SKAP1: variants seen among roughly 807,000 people sequenced by gnomAD.
The protein encoded by SKAP1 is src kinase associated phosphoprotein 1.
Under a neutral mutation model 58.5 loss-of-function variants are expected in SKAP1, and 44 were observed. The ratio of observed to expected loss-of-function variants is 0.75; its 90% CI spans 0.59 to 0.97. SKAP1 has a LOEUF of 0.97. Ranked by LOEUF, SKAP1 falls within the 50% of genes least tolerant of loss-of-function variation. The pLI, the probability that SKAP1 is intolerant of heterozygous loss-of-function variation, is 0.00. For synonymous variants in SKAP1, 127 were observed against 149.7 expected (o/e 0.85, Z 1.11); for missense variants, 390 against 435.2 (o/e 0.90, Z 0.92).
At chr17:48,363,700 G>T in intron 3 of SKAP1, 89 bp downstream of exon 3, 1 of 1,166,762 alleles carries the variant, frequency 8.6e-7, no homozygotes, top group Non-Finnish European at 1.2e-6. Flanking sequence ...ATGCCACTCT[G>T]TGGAGAAGCT....
chr17:48,228,199 G>GAGA (rs2065089942), intron 4 of SKAP1, among the ~76,000 whole-genome samples: 1 of 152,060 alleles, frequency 6.6e-6, no homozygotes, highest in African/African-American at 2.4e-5. Context: ...AAGACAAAGA[G>GAGA]AGATAGAGAG....
the SKAP1 span, among the ~76,000 whole-genome samples, chr17:48,440,480 C>T: frequency 6.6e-6 from 1 of 152,200 alleles, no homozygotes; most frequent in Non-Finnish European, 1.5e-5. Flanking sequence ...CAAAGAGCAG[C>T]TGTGGCGTAA....
At chr17:48,137,453 T>G in intron 11 of SKAP1, 116 bp from the exon 12 acceptor site, 1 of 681,152 alleles carries the variant, frequency 1.5e-6, no homozygotes, top group Non-Finnish European at 2.6e-6. Flanking sequence ...ATTATCACTG[T>G]GAACTGTTAA....
chr17:48,265,136 C>A (rs1246662275), intron 4 of SKAP1, among the ~76,000 whole-genome samples: 1 of 152,088 alleles, frequency 6.6e-6, no homozygotes, highest in Non-Finnish European at 1.5e-5. Context: ...ACAGACGTAC[C>A]TGAATCCAGT....
intron 4 of SKAP1, among the ~76,000 whole-genome samples, chr17:48,333,763 C>T (rs1031946448): frequency 2.0e-5 from 3 of 152,004 alleles, no homozygotes; most frequent in African/African-American, 7.2e-5. Flanking sequence ...TCTAATGTAT[C>T]TCATCCCAAA....
At chr17:48,362,173 C>G (rs1051191577) in intron 3 of SKAP1, among the ~76,000 whole-genome samples, 4 of 152,216 alleles carry the variant, frequency 2.6e-5, no homozygotes, top group Non-Finnish European at 5.9e-5. Context: ...CTACCTCTGT[C>G]CTCTCTCCAA....
intron 4 of SKAP1, among the ~76,000 whole-genome samples, chr17:48,326,138 G>A (rs959139843): frequency 2.6e-5 from 4 of 152,180 alleles, no homozygotes; most frequent in Non-Finnish European, 4.4e-5. Flanking sequence ...AATCCTTCCA[G>A]GGGTGTAAAG....
chr17:48,356,274 A>G (rs754880016), intron 3 of SKAP1, among the ~76,000 whole-genome samples: 1 of 152,116 alleles, frequency 6.6e-6, no homozygotes, highest in Non-Finnish European at 1.5e-5. Flanking sequence ...TAAAATAAAT[A>G]AATAAATAAA....
Position 48,352,425 on chromosome 17 carries a change from G to A in SKAP1, c.179-6419C>T, listed in dbSNP as rs192178310. On this transcript the variant is annotated intron_variant, in intron 3 of 12. Coordinates refer to ENST00000336915, the MANE Select transcript of SKAP1 (RefSeq NM_003726.4). ...TCAAAATATATAAACCTAGGTATTT[G>A]GTAGTATGTGGATAAATATATTGTA... Among the ~76,000 whole-genome samples, 8 of 152,160 alleles carry A rather than the reference G, an allele frequency of 5.3e-5. No homozygotes were observed. The East Asian group carries it at 1.5e-3, about 29-fold the overall frequency.
chr17:48,206,447 C>T (rs887402571), intron 4 of SKAP1, among the ~76,000 whole-genome samples: 2 of 150,718 alleles, frequency 1.3e-5, no homozygotes, highest in Admixed American at 1.3e-4. Flanking sequence ...TTTTTTATAC[C>T]CCTTGGTATA....
chr17:48,440,005 C>T, the SKAP1 span, among the ~76,000 whole-genome samples: 3,786 of 152,248 alleles, frequency 0.025, 173 homozygotes, highest in African/African-American at 0.087. Flanking sequence ...TCCCCTTCCT[C>T]TTATCTCTGG....
At chr17:48,153,333 AC>A (rs1330373431) in intron 11 of SKAP1, among the ~76,000 whole-genome samples, 4 of 152,094 alleles carry the variant, frequency 2.6e-5, no homozygotes, top group Admixed American at 2.6e-4. Context: ...TATAAAAATT[AC>A]CTGGAAGGAA....
At chr17:48,232,922 T>C (rs972721588) in intron 4 of SKAP1, among the ~76,000 whole-genome samples, 2 of 152,240 alleles carry the variant, frequency 1.3e-5, no homozygotes, top group African/African-American at 4.8e-5. Context: ...AGTTCTATTA[T>C]TTCCAAATAA....
intron 4 of SKAP1, among the ~76,000 whole-genome samples, chr17:48,312,265 G>T (rs943783217): frequency 2.0e-5 from 3 of 152,132 alleles, no homozygotes; most frequent in Non-Finnish European, 4.4e-5. Context: ...GAAGTGCAAA[G>T]GTAAAATCTG....
chr17:48,352,759 A>T (rs1446255885), intron 3 of SKAP1, among the ~76,000 whole-genome samples: 2 of 152,202 alleles, frequency 1.3e-5, no homozygotes, highest in Non-Finnish European at 2.9e-5. Flanking sequence ...AGAAATTGAG[A>T]CACAAAGATG....
intron 3 of SKAP1, among the ~76,000 whole-genome samples, chr17:48,356,927 GT>G (rs1224086857): frequency 1.5e-4 from 23 of 152,212 alleles, no homozygotes; most frequent in Admixed American, 3.9e-4. Flanking sequence ...ATACACACTA[GT>G]TTGCTCAAAT....
chr17:48,402,761 GC>G (rs1284701960), intron 1 of SKAP1, among the ~76,000 whole-genome samples: 1 of 152,218 alleles, frequency 6.6e-6, no homozygotes, highest in East Asian at 1.9e-4. Context: ...GCTGATATGT[GC>G]TACAACATGG....
chr17:48,159,167 G>T (rs1482183246), intron 11 of SKAP1, among the ~76,000 whole-genome samples: 1 of 152,162 alleles, frequency 6.6e-6, no homozygotes, highest in Admixed American at 6.5e-5. Flanking sequence ...GAAAACAAAA[G>T]AGCTGGTAAT....
intron 1 of SKAP1, among the ~76,000 whole-genome samples, chr17:48,428,773 T>G (rs1192820460): frequency 6.6e-6 from 1 of 152,184 alleles, no homozygotes; most frequent in Non-Finnish European, 1.5e-5. Context: ...AGCCTAATAT[T>G]AAACCAACAA....
Sources: gnomAD v4.1 joint callset for allele counts (sites outside exome capture counted in the v4.1 genomes callset) on GRCh38, gnomAD v4.1.1 for gene constraint, MANE v1.5 for transcripts, NCBI Gene and HGNC (gene_info 2026-07-23, HGNC 2026-07-21) for gene names.